The following CNTN3 variants were observed in gnomAD, a reference collection of about 807,000 sequenced individuals.
The protein encoded by CNTN3 is contactin 3.
CNTN3 carries 60 observed loss-of-function variants against 119.1 expected under a neutral mutation model. The observed-to-expected ratio is 0.50, with a 90% CI of 0.41 to 0.62. CNTN3 has a LOEUF of 0.62. Among genes scored for constraint, CNTN3 ranks in the 20% least tolerant of loss-of-function variants. CNTN3 has a pLI of 0.00. For missense variants in CNTN3, 1,101 were observed against 1,242.4 expected, an observed-to-expected ratio of 0.89 and a Z score of 1.71; for synonymous variants, 450 against 438.7, an observed-to-expected ratio of 1.03 and a Z score of -0.32.
intron 19 of CNTN3, among the ~76,000 whole-genome samples, chr3:74,293,480 C>A (rs1702275312): frequency 6.6e-6 from 1 of 152,060 alleles, no homozygotes; most frequent in South Asian, 2.1e-4. Flanking sequence ...TTCTGGCTGC[C>A]CCCACTTTTT....
At chr3:74,273,585 T>C (rs1402800537) in intron 20 of CNTN3, among the ~76,000 whole-genome samples, 1 of 152,130 alleles carries the variant, frequency 6.6e-6, no homozygotes, top group African/African-American at 2.4e-5. Flanking sequence ...ATTCCGACCT[T>C]ACCTGGAGCT....
intron 3 of CNTN3, among the ~76,000 whole-genome samples, chr3:74,492,054 T>C (rs931146999): frequency 1.3e-5 from 2 of 152,126 alleles, no homozygotes; most frequent in African/African-American, 4.8e-5. Context: ...TGGTGGTAAA[T>C]GTCACAAGAT....
intron 13 of CNTN3, among the ~76,000 whole-genome samples, chr3:74,328,041 T>G (rs1187581245): frequency 6.6e-6 from 1 of 152,002 alleles, no homozygotes; most frequent in African/African-American, 2.4e-5. Flanking sequence ...TGTACATATG[T>G]TTTGTTATTT....
chr3:74,405,424 G>T (rs1053408105), intron 5 of CNTN3, among the ~76,000 whole-genome samples: 5 of 151,938 alleles, frequency 3.3e-5, no homozygotes, highest in Non-Finnish European at 5.9e-5. Context: ...ATATTTCAGT[G>T]CTATATTTAT....
chr3:74,447,923 C>G (rs6797762), intron 4 of CNTN3, among the ~76,000 whole-genome samples: 20,876 of 152,108 alleles, frequency 0.14, 1,768 homozygotes, highest in East Asian at 0.46. Flanking sequence ...AGGGGAATAA[C>G]TCATTCTGGC....
intron 11 of CNTN3, among the ~76,000 whole-genome samples, chr3:74,344,005 T>C (rs1410039716): frequency 6.6e-6 from 1 of 152,234 alleles, no homozygotes; most frequent in African/African-American, 2.4e-5. Flanking sequence ...CATGGTACAA[T>C]GCCTGCTGCC....
chr3:74,386,968 A>T (rs910291518), intron 5 of CNTN3, among the ~76,000 whole-genome samples: 2 of 152,208 alleles, frequency 1.3e-5, no homozygotes, highest in African/African-American at 4.8e-5. Context: ...GCCCTTTCTG[A>T]TTCAAGAAGT....
chr3:74,486,533 T>A lies in CNTN3; in HGVS notation c.281A>T (p.Asp94Val), dbSNP rs780747418. 1 of 1,610,470 alleles carries A rather than the reference T, an allele frequency of 6.2e-7. No homozygotes were observed. The highest frequency in any genetic ancestry group is 2.2e-5 in the East Asian group (1 of 44,696). Residue 94 changes from aspartate to valine, a missense_variant, in exon 4 of 23, where the codon GAT (aspartate) becomes GTT (valine). Physicochemically the swap from Asp to Val is radical, Grantham distance 152. Coordinates refer to ENST00000263665, the MANE Select transcript of CNTN3 (RefSeq NM_020872.3). ...LVVINPNRNW[D>V]TGTYQCFATN... ...TGCAAAACATTGGTAAGTTCCTGTA[T>A]CCCAATTTCTGTTGGGATTAATAAC... is the stretch of plus-strand genomic sequence containing the variant.
chr3:74,574,770 C>T (rs1704387809), intron 1 of CNTN3, among the ~76,000 whole-genome samples: 1 of 152,098 alleles, frequency 6.6e-6, no homozygotes, highest in Non-Finnish European at 1.5e-5. Flanking sequence ...TAGCTTCTGC[C>T]ACACATTTCC....
intron 5 of CNTN3, among the ~76,000 whole-genome samples, chr3:74,417,303 C>G (rs983973597): frequency 2.0e-5 from 3 of 152,156 alleles, no homozygotes; most frequent in African/African-American, 7.2e-5. Flanking sequence ...GTACTTTTCT[C>G]TTGGGGAGTG....
At chr3:74,421,965 G>C (rs1219595339) in intron 5 of CNTN3, among the ~76,000 whole-genome samples, 2 of 152,180 alleles carry the variant, frequency 1.3e-5, no homozygotes, top group Admixed American at 6.5e-5. Flanking sequence ...CATTTTGGCT[G>C]TTAAAAGCTT....
chr3:74,566,166 C>T lies in CNTN3; in HGVS notation c.-80-44974G>A, dbSNP rs149732096. Among the ~76,000 whole-genome samples the T allele has an allele frequency of 9.1e-3, 1,386 of 152,234 alleles. 12 individuals are homozygous for T. Among genetic ancestry groups the T allele is most frequent in the Non-Finnish European group, 0.015 (987 of 68,010 alleles). On this transcript the variant is annotated intron_variant, in intron 1 of 22. Coordinates refer to ENST00000263665, the MANE Select transcript of CNTN3 (RefSeq NM_020872.3). ...ATGAGAACAGACTAATACAGTTGTCCTGGCAGGAACGGGTACAATTGAGGA... is the reference window on the plus strand; with the variant it reads ...ATGAGAACAGACTAATACAGTTGTCTTGGCAGGAACGGGTACAATTGAGGA...
intron 3 of CNTN3, among the ~76,000 whole-genome samples, chr3:74,487,249 G>T (rs565818165): frequency 2.0e-5 from 3 of 152,246 alleles, no homozygotes; most frequent in African/African-American, 7.2e-5. Context: ...TCAACGAGAA[G>T]CCTAAAGATA....
chr3:74,445,535 G>T (rs1702035564), intron 4 of CNTN3, among the ~76,000 whole-genome samples: 1 of 152,046 alleles, frequency 6.6e-6, no homozygotes, highest in Non-Finnish European at 1.5e-5. Context: ...AAATGCTCTT[G>T]TTTTATGAAA....
intron 4 of CNTN3, among the ~76,000 whole-genome samples, chr3:74,448,349 G>A (rs1465073806): frequency 6.6e-6 from 1 of 152,158 alleles, no homozygotes; most frequent in African/African-American, 2.4e-5. Context: ...TGTAGATAAT[G>A]TGATTAAGAC....
intron 4 of CNTN3, among the ~76,000 whole-genome samples, chr3:74,445,755 G>T (rs1040254352): frequency 2.6e-5 from 4 of 152,118 alleles, no homozygotes; most frequent in Non-Finnish European, 5.9e-5. Flanking sequence ...AGAATCACAG[G>T]ACAAGACAGG....
chr3:74,465,755 G>A (rs560036023), intron 4 of CNTN3, among the ~76,000 whole-genome samples: 15 of 152,246 alleles, frequency 9.9e-5, no homozygotes, highest in African/African-American at 3.4e-4. Flanking sequence ...ACACCAGGTC[G>A]CAGGGCTGTC....
intron 2 of CNTN3, among the ~76,000 whole-genome samples, chr3:74,517,203 A>C (rs1214123775): frequency 6.6e-6 from 1 of 151,866 alleles, no homozygotes; most frequent in Non-Finnish European, 1.5e-5. Context: ...GGCCAAACCA[A>C]TGTATAACCT....
rs536541423 is a variant in CNTN3 at position 74,394,270 on chromosome 3, T to C, written c.455-22871A>G. On this transcript the variant is annotated intron_variant, in intron 5 of 22. Transcript: ENST00000263665. ...GAAGGAAAAAACTGCATCTGATTAG[T>C]GGAAATAATATATAGTGAGTCTCAA... Among the ~76,000 whole-genome samples the C allele has an allele frequency of 2.2e-4, 34 of 152,272 alleles. 1 individual carries two copies. Among genetic ancestry groups the C allele is most frequent in the African/African-American group, 7.5e-4 (31 of 41,554 alleles).
Sources: allele counts gnomAD v4.1 joint callset (sites outside exome capture counted in the v4.1 genomes callset), GRCh38; gene constraint gnomAD v4.1.1; transcripts MANE v1.5; gene names NCBI Gene and HGNC (gene_info 2026-07-23, HGNC 2026-07-21).